Variants in IGLL5 observed in about 807,000 individuals in gnomAD.
The protein encoded by IGLL5 is immunoglobulin lambda like polypeptide 5.
IGLL5 carries 30 observed loss-of-function variants against 20.9 expected under a neutral mutation model. The ratio of observed to expected loss-of-function variants is 1.44; its 90% CI spans 1.07 to 1.95. The LOEUF (loss-of-function observed/expected upper bound fraction) is 1.95. Among genes scored for constraint, IGLL5 ranks in the 30% most tolerant of loss-of-function variants. IGLL5 has a pLI of 0.00. For missense variants in IGLL5, 475 were observed against 270.7 expected, an observed-to-expected ratio of 1.75 and a Z score of -5.30; for synonymous variants, 203 against 117.3, an observed-to-expected ratio of 1.73 and a Z score of -4.72.
At chr22:22,892,412 C>A (rs1191232605) in intron 1 of IGLL5, among the ~76,000 whole-genome samples, 2 of 150,974 alleles carry the variant, frequency 1.3e-5, no homozygotes, top group Non-Finnish European at 2.9e-5. Context: ...AGGATGGTTG[C>A]CATCATAAAC....
intron 2 of IGLL5, among the ~76,000 whole-genome samples, chr22:22,894,628 C>CTCCCTGGCTACCAG: frequency 6.6e-6 from 1 of 150,936 alleles, no homozygotes. Flanking sequence ...GTGCAGAGAA[C>CTCCCTGGCTACCAG]TCCATGGCTA....
In IGLL5 at chr22:22,888,230, C is replaced by G. The variant is rs569308745; in HGVS notation, c.177C>G (p.Ser59Arg). The change falls in exon 1 of 3, where the codon AGC (serine) becomes AGG (arginine). Residue 59 changes from serine (S) to arginine (R), a missense_variant. Coordinates refer to ENST00000526893, the MANE Select transcript of IGLL5 (RefSeq NM_001178126.2). ...ACCCTGGAGCCTCAGTTGGAAGCAGCCGATCCAGCCTGCGGAGCCTGTGGG... is the reference window on the plus strand; with the variant it reads ...ACCCTGGAGCCTCAGTTGGAAGCAGGCGATCCAGCCTGCGGAGCCTGTGGG... ...DPDPGASVGS[S>R]RSSLRSLWGR... 18 of 1,548,014 alleles carry G rather than the reference C, an allele frequency of 1.2e-5. No homozygotes were observed. The highest frequency in any genetic ancestry group is 9.9e-5 in the East Asian group (4 of 40,576).
chr22:22,888,012 T>A lies in IGLL5; in HGVS notation c.-42T>A, dbSNP rs142000285. On this transcript the variant is annotated 5_prime_UTR_variant, in exon 1 of 3. The change abolishes an upstream ATG in the 5' untranslated region. Coordinates refer to ENST00000526893, the MANE Select transcript of IGLL5 (RefSeq NM_001178126.2). ...AGGGCACCGTCCTCCAGGGAGCCCATGCTGCAAGTCGGGCCAGAGGTGCCC... is the reference window on the plus strand; with the variant it reads ...AGGGCACCGTCCTCCAGGGAGCCCAAGCTGCAAGTCGGGCCAGAGGTGCCC... The A allele has an allele frequency of 4.0e-6, 6 of 1,493,664 alleles. No homozygotes were observed. The highest frequency in any genetic ancestry group is 2.5e-5 in the East Asian group (1 of 40,364). 92.5% of individuals were successfully genotyped at this position (1,493,664 alleles called of 1,614,324 possible).
Position 22,888,000 on chromosome 22 carries a change from C to A in IGLL5, c.-54C>A. ...GCGAGAGGGACCAGGGCACCGTCCTCCAGGGAGCCCATGCTGCAAGTCGGG... is the reference window on the plus strand; with the variant it reads ...GCGAGAGGGACCAGGGCACCGTCCTACAGGGAGCCCATGCTGCAAGTCGGG... On this transcript the variant is annotated 5_prime_UTR_variant, in exon 1 of 3. Transcript: ENST00000526893. The A allele has an allele frequency of 2.1e-6, 3 of 1,428,874 alleles. No individual in the cohort carries two copies. The African/African-American group carries it at 4.3e-5, about 20-fold the overall frequency. 88.5% of individuals were successfully genotyped at this position (1,428,874 alleles called of 1,614,324 possible).
chr22:22,889,172 T>C (rs1424649291), intron 1 of IGLL5, among the ~76,000 whole-genome samples: 3 of 149,728 alleles, frequency 2.0e-5, no homozygotes, highest in Non-Finnish European at 3.0e-5. Context: ...GGAGAGGGGG[T>C]GATGGCCAAG....
chr22:22,894,967 A>G (rs562239304), intron 2 of IGLL5, among the ~76,000 whole-genome samples: 1 of 151,464 alleles, frequency 6.6e-6, no homozygotes, highest in South Asian at 2.1e-4. Flanking sequence ...CCCACAGTTC[A>G]CGGAGGAGGC....
chr22:22,888,745 G>T (rs184368884), intron 1 of IGLL5, among the ~76,000 whole-genome samples: 1 of 151,234 alleles, frequency 6.6e-6, no homozygotes, highest in African/African-American at 2.4e-5. Flanking sequence ...TCACCAACTT[G>T]CACATAAATG....
Position 22,893,967 on chromosome 22 carries a change from T to C in IGLL5, c.325+149T>C, listed in dbSNP as rs768028998. 18 of 686,040 alleles carry C rather than the reference T, an allele frequency of 2.6e-5. 1 individual carries two copies. The highest frequency in any genetic ancestry group is 8.0e-5 in the East Asian group (3 of 37,308). 42.5% of individuals were successfully genotyped at this position (686,040 alleles called of 1,614,324 possible). A position where few individuals can be genotyped will look rare whatever the true frequency, so the allele number is the denominator to read the frequency against. ...TCCATGGGGCCTGGAGGAGGTGCAT[T>C]AGTCTCCGGGTAACCGGCAGGAAGG... On this transcript the variant is annotated intron_variant, in intron 2 of 2. Transcript: ENST00000526893.
intron 2 of IGLL5, among the ~76,000 whole-genome samples, chr22:22,894,426 G>A (rs1601626254): frequency 1.3e-5 from 2 of 151,450 alleles, no homozygotes; most frequent in Admixed American, 6.6e-5. Flanking sequence ...GGTGAGACTG[G>A]GTGAGGTGCC....
At chr22:22,891,663 C>T (rs2067850936) in intron 1 of IGLL5, among the ~76,000 whole-genome samples, 1 of 151,318 alleles carries the variant, frequency 6.6e-6, no homozygotes, top group African/African-American at 2.4e-5. Flanking sequence ...ACATGATGTA[C>T]TCTCCATTCA....
intron 1 of IGLL5, among the ~76,000 whole-genome samples, chr22:22,890,097 C>A (rs2146003505): frequency 6.7e-6 from 1 of 148,746 alleles, no homozygotes; most frequent in Non-Finnish European, 1.5e-5. Context: ...TACTCATGTG[C>A]ATTACTCTTT....
intron 2 of IGLL5, among the ~76,000 whole-genome samples, chr22:22,894,783 T>G (rs2066696662): frequency 6.6e-6 from 1 of 151,146 alleles, no homozygotes; most frequent in Admixed American, 6.6e-5. Flanking sequence ...TCTCAGAGCC[T>G]CAGAGGAGCC....
Position 22,890,579 on chromosome 22 carries a change from GT to G in IGLL5, c.206+2321del, listed in dbSNP as rs879720614. On this transcript the variant is annotated intron_variant, in intron 1 of 2. Coordinates refer to ENST00000526893, the MANE Select transcript of IGLL5 (RefSeq NM_001178126.2). ...TGTGTGTGTGTGTGTGTGTGTGTGT[GT>G]GTGTGTGTGTGTGTGTGTGTATGTG... Among the ~76,000 whole-genome samples, 1,308 of 144,562 alleles carry G rather than the reference GT, an allele frequency of 9.0e-3. 15 individuals carry two copies. The highest frequency in any genetic ancestry group is 0.014 in the Non-Finnish European group (940 of 66,284). The allele number at this position is 144,562 out of a possible 152,430, so 94.8% of individuals were successfully genotyped here.
chr22:22,888,340 G>C (rs546467659), intron 1 of IGLL5, 81 bp downstream of exon 1: 14 of 1,331,970 alleles, frequency 1.1e-5, no homozygotes, highest in Admixed American at 4.3e-5. Context: ...ACAAGCCAGA[G>C]GAGTGAGGAG....
At position 22,888,210 on chromosome 22, in the gene IGLL5, G is replaced by T. The variant is rs1328966886; in HGVS notation, c.157G>T (p.Gly53Ter). 1.3e-6 allele frequency: 2 copies of T among 1,548,562 alleles called. No homozygotes were observed. Among genetic ancestry groups the T allele is most frequent in the East Asian group, 4.9e-5 (2 of 40,600 alleles). ...VAPQSGDPDP[G>*]ASVGSSRSSL... is the part of the protein sequence containing the mutation. ...ACCGCAAAGCGGGGACCCAGACCCTGGAGCCTCAGTTGGAAGCAGCCGATC... is the reference window on the plus strand; with the variant it reads ...ACCGCAAAGCGGGGACCCAGACCCTTGAGCCTCAGTTGGAAGCAGCCGATC... Residue 53 changes from glycine to a stop codon, truncating the protein, a stop_gained, in exon 1 of 3, where the codon GGA becomes TGA. Coordinates refer to ENST00000526893, the MANE Select transcript of IGLL5 (RefSeq NM_001178126.2). LOFTEE classifies it high-confidence loss of function.
Position 22,888,547 on chromosome 22 carries a change from G to T in IGLL5, c.206+288G>T, listed in dbSNP as rs529995910. On this transcript the variant is annotated intron_variant, in intron 1 of 2. Transcript: ENST00000526893. ...TCAATCACCTAGTCCTAGTCCTCTG[G>T]GTAGGGAAGGAACAGAGGCAGGGAC... is the stretch of plus-strand genomic sequence containing the variant. Among the ~76,000 whole-genome samples the T allele has an allele frequency of 1.3e-5, 2 of 151,300 alleles. 1 individual carries two copies. The highest frequency in any genetic ancestry group is 4.8e-5 in the African/African-American group (2 of 41,290).
chr22:22,893,893 G>C (rs190155245), intron 2 of IGLL5, 75 bp downstream of exon 2: 14 of 1,020,396 alleles, frequency 1.4e-5, no homozygotes, highest in East Asian at 4.8e-5. Context: ...TCTCTCTGGG[G>C]CTTCCTCCCC....
At chr22:22,894,218 T>G (rs1226376561) in intron 2 of IGLL5, among the ~76,000 whole-genome samples, 2 of 151,024 alleles carry the variant, frequency 1.3e-5, no homozygotes, top group African/African-American at 2.4e-5. Context: ...TCTCATAGTC[T>G]AGGGGAGCAG....
At chr22:22,888,466 T>C (rs576286117) in intron 1 of IGLL5, among the ~76,000 whole-genome samples, 8 of 151,380 alleles carry the variant, frequency 5.3e-5, no homozygotes, top group East Asian at 4.0e-4. Context: ...ACGATATTAT[T>C]TTTCTTGATT....
Sources: gnomAD v4.1 joint callset for allele counts (sites outside exome capture counted in the v4.1 genomes callset) on GRCh38, gnomAD v4.1.1 for gene constraint, MANE v1.5 for transcripts, NCBI Gene and HGNC (gene_info 2026-07-23, HGNC 2026-07-21) for gene names.